Variants in TEX2 observed in about 807,000 individuals in gnomAD.
TEX2 encodes testis-expressed protein 2.
In TEX2, 53 loss-of-function variants were observed where a neutral mutation model predicts 106.9. The ratio of observed to expected loss-of-function variants is 0.50; its 90% CI spans 0.40 to 0.62. The LOEUF (loss-of-function observed/expected upper bound fraction) is 0.62, where lower values mean the gene tolerates loss of function less well. Ranked by LOEUF, TEX2 falls within the 20% of genes least tolerant of loss-of-function variation. TEX2 has a pLI of 0.00. For missense variants in TEX2, 1,207 were observed against 1,379.0 expected (o/e 0.88, Z 1.98); for synonymous variants, 523 against 534.8 (o/e 0.98, Z 0.30).
intron 6 of TEX2, among the ~76,000 whole-genome samples, chr17:64,172,063 A>G (rs916722052): frequency 1.3e-5 from 2 of 151,780 alleles, no homozygotes; most frequent in African/African-American, 4.8e-5. Flanking sequence ...CTTGAAAAAC[A>G]GCACATGCTG....
At chr17:64,258,756 A>G (rs1248252905) in intron 1 of TEX2, among the ~76,000 whole-genome samples, 1 of 119,210 alleles carries the variant, frequency 8.4e-6, no homozygotes, top group African/African-American at 3.1e-5. Flanking sequence ...TCATTTTGGA[A>G]GAGAGACTTT....
chr17:64,240,710 C>T (rs1221274514), intron 1 of TEX2, among the ~76,000 whole-genome samples: 2 of 152,120 alleles, frequency 1.3e-5, no homozygotes, highest in African/African-American at 4.8e-5. Flanking sequence ...ATGGCTAGTC[C>T]CTCTTCTTCC....
At chr17:64,255,028 C>CTTTTTTTTTTTTTTTTTTTTTTTT (rs566755382) in intron 1 of TEX2, among the ~76,000 whole-genome samples, 1 of 132,488 alleles carries the variant, frequency 7.5e-6, no homozygotes, top group African/African-American at 2.8e-5. Flanking sequence ...CTGCATCTGG[C>CTTTTTTTTTTTTTTTTTTTTTTTT]TTTTTTTTTT....
intron 8 of TEX2, among the ~76,000 whole-genome samples, chr17:64,160,485 G>A (rs757166553): frequency 3.3e-5 from 5 of 152,066 alleles, no homozygotes; most frequent in East Asian, 1.9e-4. Flanking sequence ...GATTCTATTC[G>A]AGGATCATTT....
In TEX2 at chr17:64,240,347, G is replaced by A. The variant is rs138070325; in HGVS notation, c.-26+22821C>T. Reference sequence around the variant, plus strand: ...ACAGCACTTGTCACTGCCCACCCACGGGCCAGCCCACGACACCCTGTCCTG... The same window carrying A: ...ACAGCACTTGTCACTGCCCACCCACAGGCCAGCCCACGACACCCTGTCCTG... On this transcript the variant is annotated intron_variant, in intron 1 of 11. Coordinates refer to ENST00000584379, the MANE Select transcript of TEX2 (RefSeq NM_001288732.2). Among the ~76,000 whole-genome samples the A allele has an allele frequency of 7.6e-3, 1,150 of 152,094 alleles. 17 individuals carry two copies. The highest frequency in any genetic ancestry group is 0.025 in the African/African-American group (1,047 of 41,442).
At chr17:64,159,132 T>C (rs756049021) in intron 8 of TEX2, among the ~76,000 whole-genome samples, 24 of 152,180 alleles carry the variant, frequency 1.6e-4, no homozygotes, top group Non-Finnish European at 3.4e-4. Flanking sequence ...TAGCAGTGAA[T>C]GTGGACGCAT....
chr17:64,163,027 G>T (rs1437804200), intron 7 of TEX2, among the ~76,000 whole-genome samples: 3 of 152,166 alleles, frequency 2.0e-5, no homozygotes, highest in Non-Finnish European at 4.4e-5. Context: ...TGGGTGAGGG[G>T]TCTGTTTTAA....
chr17:64,258,914 C>T (rs1041755922), intron 1 of TEX2, among the ~76,000 whole-genome samples: 31 of 152,108 alleles, frequency 2.0e-4, no homozygotes, highest in African/African-American at 6.8e-4. Context: ...TGTGCCACCA[C>T]GCCTGGCTAA....
Position 64,212,736 on chromosome 17 carries a change from A to G in TEX2, c.1482T>C (p.Tyr494=), listed in dbSNP as rs1176596561. Residue 494 remains tyrosine, a synonymous_variant, in exon 2 of 12, where the codon TAT becomes TAC. Coordinates refer to ENST00000584379, the MANE Select transcript of TEX2 (RefSeq NM_001288732.2). The stretch of plus-strand genomic sequence containing the variant: ...CAATTCCCAGAAAGAGTCCACTCAC[A>G]TAGTGGGGGAGGGGGAGGATGAGGT... ...YVYLILPLPH[Y]VSGLFLGIGL... 9 of 1,614,092 alleles carry G rather than the reference A, an allele frequency of 5.6e-6. No individual in the cohort carries two copies. Among genetic ancestry groups the G allele is most frequent in the Admixed American group, 3.3e-5 (2 of 60,008 alleles).
intron 8 of TEX2, among the ~76,000 whole-genome samples, chr17:64,160,460 C>CG (rs1321818173): frequency 5.9e-5 from 9 of 152,116 alleles, no homozygotes; most frequent in Non-Finnish European, 1.0e-4. Context: ...TGTTTATGAC[C>CG]GGAAGGATCT....
intron 1 of TEX2, chr17:64,230,708 C>T (rs1555634520): frequency 6.6e-6 from 1 of 152,230 alleles, no homozygotes; most frequent in African/African-American, 2.4e-5. Flanking sequence ...ACTTCACCTC[C>T]CTGAGCCTGG....
At chr17:64,245,170 T>G (rs1247888365) in intron 1 of TEX2, among the ~76,000 whole-genome samples, 3 of 152,208 alleles carry the variant, frequency 2.0e-5, no homozygotes, top group African/African-American at 7.2e-5. Context: ...CCTTACACTA[T>G]TATTTTTACA....
At chr17:64,255,885 T>A (rs1367414367) in intron 1 of TEX2, 2 of 152,106 alleles carry the variant, frequency 1.3e-5, no homozygotes, top group Admixed American at 1.3e-4. Context: ...TCTCCTCTTA[T>A]CAGGAAAAAA....
chr17:64,171,475 G>A (rs2031395250), intron 6 of TEX2, among the ~76,000 whole-genome samples: 1 of 152,038 alleles, frequency 6.6e-6, no homozygotes, highest in Admixed American at 6.5e-5. Context: ...AGTGATTAGT[G>A]CTGCAAAGAA....
chr17:64,248,382 G>T (rs182202144), intron 1 of TEX2, among the ~76,000 whole-genome samples: 259 of 152,172 alleles, frequency 1.7e-3, no homozygotes, highest in Admixed American at 3.0e-3. Flanking sequence ...TCCCTAAAAG[G>T]AAACACAAGA....
At chr17:64,154,245 T>C (rs2030502968) in intron 9 of TEX2, among the ~76,000 whole-genome samples, 1 of 152,262 alleles carries the variant, frequency 6.6e-6, no homozygotes, top group Admixed American at 6.5e-5. Context: ...TAAAAGTTTC[T>C]GAATTATTTG....
chr17:64,151,539 G>C (rs1164272677), intron 10 of TEX2, among the ~76,000 whole-genome samples: 2 of 152,136 alleles, frequency 1.3e-5, no homozygotes, highest in South Asian at 4.1e-4. Context: ...CAGAACTGTT[G>C]GCAAAGTATC....
At chr17:64,259,955 C>T (rs970538442) in intron 1 of TEX2, among the ~76,000 whole-genome samples, 3 of 152,320 alleles carry the variant, frequency 2.0e-5, no homozygotes, top group African/African-American at 7.2e-5. Context: ...ACTGTCTTAG[C>T]ATTGTTGAAA....
chr17:64,240,779 A>C (rs1180975717), intron 1 of TEX2, among the ~76,000 whole-genome samples: 1 of 152,168 alleles, frequency 6.6e-6, no homozygotes, highest in Admixed American at 6.5e-5. Flanking sequence ...CAAGAGTAAC[A>C]ATAGGGTATT....
Sources: gnomAD v4.1 joint callset for allele counts (sites outside exome capture counted in the v4.1 genomes callset) on GRCh38, gnomAD v4.1.1 for gene constraint, MANE v1.5 for transcripts, NCBI Gene and HGNC (gene_info 2026-07-23, HGNC 2026-07-21) for gene names.